The following CA10 variants were observed in gnomAD, a reference collection of about 807,000 sequenced individuals.
CA10 encodes the protein carbonic anhydrase 10 (inactive).
In CA10, 14 loss-of-function variants were observed where a neutral mutation model predicts 44.2. That is an observed-to-expected ratio of 0.32 (90% CI 0.21 to 0.50). The LOEUF (loss-of-function observed/expected upper bound fraction) is 0.50, where lower values mean the gene tolerates loss of function less well. CA10 is among the 20% of genes least tolerant of loss of function. The pLI is 0.99. For missense variants in CA10, 350 were observed against 409.7 expected (o/e 0.85, Z 1.26); for synonymous variants, 159 against 141.6 (o/e 1.12, Z -0.87).
rs565990844 is a variant in CA10, at chr17:51,714,694, A to G, written c.465+32939T>C. Among the ~76,000 whole-genome samples, 5 of 152,336 alleles carry G rather than the reference A, an allele frequency of 3.3e-5. No individual in the cohort carries two copies. The South Asian group carries it at 1.0e-3, about 32-fold the overall frequency. Reference sequence around the variant, plus strand: ...GGAGAAGCTTAGTTTAGATGCAAGCAAGAATGTGCTCAGATGGAGAGAGAA... The same window carrying G: ...GGAGAAGCTTAGTTTAGATGCAAGCGAGAATGTGCTCAGATGGAGAGAGAA... On this transcript the variant is annotated intron_variant, in intron 4 of 8. Coordinates refer to ENST00000451037, the MANE Select transcript of CA10 (RefSeq NM_020178.5).
intron 2 of CA10, among the ~76,000 whole-genome samples, chr17:51,982,795 T>A (rs528237209): frequency 6.6e-6 from 1 of 151,984 alleles, no homozygotes; most frequent in Non-Finnish European, 1.5e-5. Flanking sequence ...GACTAGGAGC[T>A]CATTGAGGGC....
At chr17:51,928,531 C>G in intron 3 of CA10, among the ~76,000 whole-genome samples, 1 of 152,118 alleles carries the variant, frequency 6.6e-6, no homozygotes, top group East Asian at 1.9e-4. Context: ...AGCTGCATCA[C>G]AGTTTTGTGC....
chr17:52,083,801 C>T (rs1020424155), intron 1 of CA10, among the ~76,000 whole-genome samples: 8 of 151,634 alleles, frequency 5.3e-5, no homozygotes, highest in Non-Finnish European at 8.8e-5. Flanking sequence ...ATTTTCTTTA[C>T]GCACTTACCC....
chr17:51,831,698 A>AGCGGCAGCAGCGGCAGCAGCG (rs1567854587), intron 3 of CA10, among the ~76,000 whole-genome samples: 1 of 81,702 alleles, frequency 1.2e-5, no homozygotes, highest in African/African-American at 3.7e-5. Flanking sequence ...CAGCAGCAGC[A>AGCGGCAGCAGCGGCAGCAGCG]GCAGCAGCAG....
chr17:52,002,206 A>T (rs978746786), intron 2 of CA10, among the ~76,000 whole-genome samples: 2 of 151,958 alleles, frequency 1.3e-5, no homozygotes, highest in African/African-American at 2.4e-5. Context: ...GTATAATTTA[A>T]AAAAAAGAAA....
At chr17:51,992,525 C>T (rs1985078657) in intron 2 of CA10, among the ~76,000 whole-genome samples, 1 of 152,130 alleles carries the variant, frequency 6.6e-6, no homozygotes, top group East Asian at 1.9e-4. Context: ...TGATTACCTT[C>T]CATTCTCTGA....
intron 2 of CA10, among the ~76,000 whole-genome samples, chr17:51,944,328 G>A (rs910882642): frequency 2.0e-5 from 3 of 152,034 alleles, no homozygotes; most frequent in Non-Finnish European, 4.4e-5. Flanking sequence ...AGTTTTAACC[G>A]GTATGTGGCC....
In CA10 at chr17:51,836,043, G is replaced by T. The variant is rs1908465632; in HGVS notation, c.280-88225C>A. The stretch of plus-strand genomic sequence containing the variant: ...CAAGGGCAAGGAGAGGAAAGAGAAG[G>T]AGGAACAGAAAAAAAAATTAAATAG... On this transcript the variant is annotated intron_variant, in intron 3 of 8. Transcript: ENST00000451037. Among the ~76,000 whole-genome samples, 2 of 151,994 alleles carry T rather than the reference G, an allele frequency of 1.3e-5. 1 individual carries two copies. Among genetic ancestry groups the T allele is most frequent in the African/African-American group, 4.8e-5 (2 of 41,382 alleles).
At chr17:51,862,588 C>T (rs185982386) in intron 3 of CA10, among the ~76,000 whole-genome samples, 116 of 152,154 alleles carry the variant, frequency 7.6e-4, no homozygotes, top group African/African-American at 2.7e-3. Context: ...GTTCTGGGTT[C>T]AGAAACTATC....
At position 51,912,741 on chromosome 17, in the gene CA10, T is replaced by C. The variant is rs532676673; in HGVS notation, c.279+18249A>G. Among the ~76,000 whole-genome samples, 44 of 152,310 alleles carry C rather than the reference T, an allele frequency of 2.9e-4. 1 individual carries two copies. The South Asian group carries it at 8.9e-3, about 31-fold the overall frequency. Reference sequence around the variant, plus strand: ...GTCAGAGGAAAACATTTTCCTGATATCATACCCAAGAGAACAGCATGTGAA... The same window carrying C: ...GTCAGAGGAAAACATTTTCCTGATACCATACCCAAGAGAACAGCATGTGAA... On this transcript the variant is annotated intron_variant, in intron 3 of 8. Transcript: ENST00000451037.
At chr17:52,142,305 C>T (rs905827862) in intron 1 of CA10, among the ~76,000 whole-genome samples, 3 of 152,228 alleles carry the variant, frequency 2.0e-5, no homozygotes, top group Middle Eastern at 6.8e-3. Context: ...CTTGTAGTAC[C>T]ATATCCCCTA....
chr17:51,857,194 A>G (rs1567863200), intron 3 of CA10, among the ~76,000 whole-genome samples: 2 of 152,196 alleles, frequency 1.3e-5, no homozygotes, highest in African/African-American at 4.8e-5. Context: ...AGTATCTAAC[A>G]TCTCCAGGCA....
intron 4 of CA10, among the ~76,000 whole-genome samples, chr17:51,685,875 C>T (rs1015850937): frequency 1.3e-5 from 2 of 152,296 alleles, no homozygotes; most frequent in South Asian, 2.1e-4. Context: ...AAGAGGAATA[C>T]AAATGGCCTG....
intron 3 of CA10, among the ~76,000 whole-genome samples, chr17:51,798,379 T>C (rs1906796808): frequency 6.6e-6 from 1 of 152,244 alleles, no homozygotes; most frequent in South Asian, 2.1e-4. Context: ...AGAAATTCTG[T>C]AACTTTCATA....
At chr17:52,137,959 A>C (rs879626279) in intron 1 of CA10, among the ~76,000 whole-genome samples, 23 of 152,228 alleles carry the variant, frequency 1.5e-4, no homozygotes, top group Non-Finnish European at 3.2e-4. Context: ...TCCTATGTGC[A>C]TCAGTTTCCC....
intron 3 of CA10, among the ~76,000 whole-genome samples, chr17:51,924,781 TTCC>T (rs1567887217): frequency 6.6e-6 from 1 of 152,152 alleles, no homozygotes; most frequent in Non-Finnish European, 1.5e-5. Flanking sequence ...TCCTCACCCC[TTCC>T]AGACCTGGGG....
chr17:51,876,782 T>TA (rs1785893957), intron 3 of CA10, among the ~76,000 whole-genome samples: 1 of 151,976 alleles, frequency 6.6e-6, no homozygotes, highest in Non-Finnish European at 1.5e-5. Context: ...ATGTTTCACT[T>TA]TAAATGAAGC....
intron 3 of CA10, among the ~76,000 whole-genome samples, chr17:51,889,457 G>A (rs1202894738): frequency 2.0e-5 from 3 of 152,156 alleles, no homozygotes; most frequent in Admixed American, 6.5e-5. Flanking sequence ...CTGGGAGGTC[G>A]AGGCTGCAGT....
intron 2 of CA10, among the ~76,000 whole-genome samples, chr17:51,940,171 G>T (rs1429073438): frequency 6.6e-6 from 1 of 152,056 alleles, no homozygotes; most frequent in Non-Finnish European, 1.5e-5. Flanking sequence ...CCATCAAACT[G>T]AACGCCCCTT....
Sources: allele counts gnomAD v4.1 joint callset (sites outside exome capture counted in the v4.1 genomes callset), GRCh38; gene constraint gnomAD v4.1.1; transcripts MANE v1.5; gene names NCBI Gene and HGNC (gene_info 2026-07-23, HGNC 2026-07-21).